The following RAB3C variants were observed in gnomAD, a reference collection of about 807,000 sequenced individuals.
RAB3C encodes the protein ras-related protein Rab-3C.
RAB3C carries 17 observed loss-of-function variants against 26.4 expected under a neutral mutation model. The observed-to-expected ratio is 0.64, with a 90% CI of 0.44 to 0.97. RAB3C has a LOEUF of 0.97. Ranked by LOEUF, RAB3C falls within the 50% of genes least tolerant of loss-of-function variation. The pLI is 0.00. For synonymous variants in RAB3C, 91 were observed against 95.9 expected, an observed-to-expected ratio of 0.95 and a Z score of 0.30; for missense variants, 242 against 281.9, an observed-to-expected ratio of 0.86 and a Z score of 1.01.
chr5:58,611,192 T>C (rs1322552771), intron 1 of RAB3C, among the ~76,000 whole-genome samples: 1 of 152,090 alleles, frequency 6.6e-6, no homozygotes, highest in Non-Finnish European at 1.5e-5. Context: ...AATGAACATA[T>C]ATGTGCATGT....
chr5:58,799,486 C>A (rs568435641), intron 3 of RAB3C, among the ~76,000 whole-genome samples: 1 of 152,258 alleles, frequency 6.6e-6, no homozygotes, highest in South Asian at 2.1e-4. Context: ...CTTTCTGACT[C>A]TACTAACCCC....
intron 1 of RAB3C, among the ~76,000 whole-genome samples, chr5:58,610,744 A>G (rs1167506632): frequency 6.6e-6 from 1 of 152,132 alleles, no homozygotes; most frequent in Non-Finnish European, 1.5e-5. Flanking sequence ...AGTAGCTGGA[A>G]CATAGTAACT....
At chr5:58,808,132 G>A (rs1359484735) in intron 3 of RAB3C, among the ~76,000 whole-genome samples, 1 of 150,172 alleles carries the variant, frequency 6.7e-6, no homozygotes, top group African/African-American at 2.5e-5. Flanking sequence ...GGCTGAGGCA[G>A]GAGAATGTCG....
At chr5:58,668,696 G>A (rs188970616) in intron 2 of RAB3C, among the ~76,000 whole-genome samples, 25 of 151,960 alleles carry the variant, frequency 1.6e-4, no homozygotes, top group African/African-American at 5.3e-4. Flanking sequence ...TAGCTGAGAG[G>A]TAGAAGTCAC....
At chr5:58,689,696 T>A (rs1419568939) in intron 2 of RAB3C, among the ~76,000 whole-genome samples, 1 of 152,086 alleles carries the variant, frequency 6.6e-6, no homozygotes, top group Non-Finnish European at 1.5e-5. Context: ...ATCATGGCCT[T>A]TCCTCCTTCC....
At chr5:58,616,909 C>T (rs562974452) in intron 1 of RAB3C, among the ~76,000 whole-genome samples, 2 of 152,116 alleles carry the variant, frequency 1.3e-5, no homozygotes, top group African/African-American at 4.8e-5. Context: ...TGAGCCCTGG[C>T]ACCACACTGC....
chr5:58,741,806 A>G (rs965081698), intron 3 of RAB3C: 15 of 152,022 alleles, frequency 9.9e-5, no homozygotes, highest in Middle Eastern at 3.2e-3. Context: ...GGAGTTCGAG[A>G]CCAGCCAGGC....
At chr5:58,582,977 C>T (rs1057177290), upstream of RAB3C, 3 of 1,214,096 alleles carry the variant, frequency 2.5e-6, no homozygotes, top group Non-Finnish European at 3.3e-6. Flanking sequence ...ACCGCTCGCC[C>T]GTTTGCCGGG....
chr5:58,647,113 C>T (rs1245899723), intron 2 of RAB3C, among the ~76,000 whole-genome samples: 2 of 152,062 alleles, frequency 1.3e-5, no homozygotes, highest in Admixed American at 1.3e-4. Flanking sequence ...GCACTTAAGC[C>T]AATTAAAAGT....
chr5:58,724,404 T>A lies in RAB3C; in HGVS notation c.253-1598T>A, dbSNP rs58651286. On this transcript the variant is annotated intron_variant, in intron 2 of 4. Transcript: ENST00000282878. ...AACATACATACAAAGCAGGTTTTTT[T>A]ATTCCCATTTTACAATTAAATAAAC... 5.7e-4 allele frequency among the ~76,000 whole-genome samples: 87 copies of A among 151,998 alleles called. No individual in the cohort carries two copies. In the East Asian group the frequency reaches 0.016, roughly 28 times the overall value.
chr5:58,601,614 T>C (rs1181477186), intron 1 of RAB3C, among the ~76,000 whole-genome samples: 6 of 152,150 alleles, frequency 3.9e-5, no homozygotes, highest in Non-Finnish European at 8.8e-5. Flanking sequence ...CTCTTCTAAG[T>C]TTTCCAGTTT....
intron 3 of RAB3C, among the ~76,000 whole-genome samples, chr5:58,781,993 T>G (rs917148459): frequency 8.5e-5 from 13 of 152,204 alleles, no homozygotes; most frequent in Admixed American, 3.9e-4. Context: ...TTAAAAATTT[T>G]TGTAATACTT....
chr5:58,844,778 G>A (rs1247061545), intron 4 of RAB3C, among the ~76,000 whole-genome samples: 2 of 152,110 alleles, frequency 1.3e-5, no homozygotes, highest in Admixed American at 1.3e-4. Context: ...ATTGCAGTGT[G>A]ACTTTAGTGG....
intron 2 of RAB3C, among the ~76,000 whole-genome samples, chr5:58,702,115 A>G (rs1051545161): frequency 4.6e-5 from 7 of 152,204 alleles, no homozygotes; most frequent in Non-Finnish European, 4.4e-5. Context: ...AATTAAAAAT[A>G]TATATTTTAC....
chr5:58,617,848 A>C lies in RAB3C; in HGVS notation c.230A>C (p.Lys77Thr). The change falls in exon 2 of 5, where the codon AAG becomes ACG. Residue 77 changes from lysine (K) to threonine (T), a missense_variant. By Grantham distance (78) the Lys-to-Thr change is moderately conservative. Coordinates refer to ENST00000282878, the MANE Select transcript of RAB3C (RefSeq NM_138453.4). ...FKVKTVFKNEKRIKLQIWDTA... is the reference protein window; with the variant it reads ...FKVKTVFKNETRIKLQIWDTA... ...GTAAAAACTGTATTCAAAAATGAAA[A>C]GAGAATCAAGCTTCAGATTTGGGTA... The C allele has an allele frequency of 1.2e-6, 2 of 1,610,742 alleles. No individual in the cohort carries two copies. Among genetic ancestry groups the C allele is most frequent in the Non-Finnish European group, 1.7e-6 (2 of 1,177,666 alleles).
chr5:58,811,442 C>T (rs1183065711), intron 3 of RAB3C, among the ~76,000 whole-genome samples: 2 of 151,820 alleles, frequency 1.3e-5, no homozygotes, highest in African/African-American at 4.8e-5. Flanking sequence ...TAAAAAAATG[C>T]TTTGGAAACA....
intron 3 of RAB3C, among the ~76,000 whole-genome samples, chr5:58,777,452 T>A (rs1298822823): frequency 6.6e-6 from 1 of 152,140 alleles, no homozygotes; most frequent in Non-Finnish European, 1.5e-5. Context: ...TTACTTTTTT[T>A]AAGAAGCTTT....
At chr5:58,737,239 G>A (rs1203164189) in intron 3 of RAB3C, among the ~76,000 whole-genome samples, 1 of 151,384 alleles carries the variant, frequency 6.6e-6, no homozygotes, top group Non-Finnish European at 1.5e-5. Context: ...CCTTATGGTA[G>A]CCCACATACC....
At chr5:58,722,941 T>A (rs924586074) in intron 2 of RAB3C, among the ~76,000 whole-genome samples, 3 of 151,904 alleles carry the variant, frequency 2.0e-5, no homozygotes, top group Admixed American at 2.0e-4. Flanking sequence ...GTCATGCAAT[T>A]ATGCAACATT....
Sources: gnomAD v4.1 joint callset for allele counts (sites outside exome capture counted in the v4.1 genomes callset) on GRCh38, gnomAD v4.1.1 for gene constraint, MANE v1.5 for transcripts, NCBI Gene and HGNC (gene_info 2026-07-23, HGNC 2026-07-21) for gene names.